Variants in PTPRM observed in about 807,000 individuals in gnomAD.
PTPRM encodes the protein receptor-type tyrosine-protein phosphatase mu.
In PTPRM, 47 loss-of-function variants were observed where a neutral mutation model predicts 186.7. That is an observed-to-expected ratio of 0.25 (90% CI 0.20 to 0.32). PTPRM has a LOEUF of 0.32. Among genes scored for constraint, PTPRM ranks in the 10% least tolerant of loss-of-function variants. PTPRM has a pLI of 1.00. For synonymous variants in PTPRM, 668 were observed against 674.9 expected (o/e 0.99, Z 0.16); for missense variants, 1,494 against 1,865.0 (o/e 0.80, Z 3.66).
chr18:8,345,242 A>AG (rs201084806), intron 23 of PTPRM, among the ~76,000 whole-genome samples: 191 of 126,878 alleles, frequency 1.5e-3, no homozygotes, highest in African/African-American at 4.9e-3. Flanking sequence ...CAAAGAAAAA[A>AG]AAAAGGAAAT....
At chr18:8,199,769 G>T (rs1047082870) in intron 14 of PTPRM, among the ~76,000 whole-genome samples, 1 of 152,066 alleles carries the variant, frequency 6.6e-6, no homozygotes, top group African/African-American at 2.4e-5. Flanking sequence ...ATTCATTTTT[G>T]CATCTGTCAA....
chr18:7,807,219 G>A (rs139470539), intron 2 of PTPRM, among the ~76,000 whole-genome samples: 2 of 152,334 alleles, frequency 1.3e-5, no homozygotes, highest in East Asian at 3.9e-4. Flanking sequence ...TGCTGATATA[G>A]AGTAGATTTG....
intron 2 of PTPRM, among the ~76,000 whole-genome samples, chr18:7,864,661 G>C (rs187367644): frequency 6.6e-6 from 1 of 152,144 alleles, no homozygotes; most frequent in East Asian, 1.9e-4. Flanking sequence ...TTTTGCTTAG[G>C]ATTGGCTTGG....
At chr18:7,993,557 A>G (rs1372962095) in intron 7 of PTPRM, among the ~76,000 whole-genome samples, 1 of 152,260 alleles carries the variant, frequency 6.6e-6, no homozygotes, top group South Asian at 2.1e-4. Flanking sequence ...GTCAGGAGAA[A>G]ATCGAGTGAT....
intron 7 of PTPRM, among the ~76,000 whole-genome samples, chr18:7,977,247 G>A (rs1475179363): frequency 1.3e-5 from 2 of 151,902 alleles, no homozygotes; most frequent in African/African-American, 4.8e-5. Context: ...CTGCCACCAC[G>A]CCCAGCTAAT....
chr18:7,922,395 C>T (rs977251715), intron 4 of PTPRM, among the ~76,000 whole-genome samples: 2 of 152,172 alleles, frequency 1.3e-5, no homozygotes, highest in Non-Finnish European at 2.9e-5. Flanking sequence ...CAGGCACTTT[C>T]GATGTTTCCA....
chr18:7,590,185 T>G (rs567703263), intron 1 of PTPRM, among the ~76,000 whole-genome samples: 3 of 152,372 alleles, frequency 2.0e-5, no homozygotes, highest in African/African-American at 7.2e-5. Flanking sequence ...AGGGAATGGA[T>G]GCTTATCCCT....
intron 2 of PTPRM, among the ~76,000 whole-genome samples, chr18:7,848,681 T>A (rs2145912835): frequency 6.6e-6 from 1 of 152,202 alleles, no homozygotes; most frequent in South Asian, 2.1e-4. Context: ...GAGGATTGCT[T>A]GAGTCCGAGA....
chr18:7,845,722 ACTTC>A (rs1348663585), intron 2 of PTPRM, among the ~76,000 whole-genome samples: 1 of 151,688 alleles, frequency 6.6e-6, no homozygotes, highest in Admixed American at 6.6e-5. Flanking sequence ...TAGAAATAAG[ACTTC>A]CTTATCTTTC....
At chr18:7,941,247 T>C (rs2052153616) in intron 5 of PTPRM, among the ~76,000 whole-genome samples, 1 of 152,188 alleles carries the variant, frequency 6.6e-6, no homozygotes, top group Non-Finnish European at 1.5e-5. Context: ...TCTGAACAAG[T>C]CTGCTTCTCT....
At chr18:8,282,202 G>T (rs1488574354) in intron 19 of PTPRM, among the ~76,000 whole-genome samples, 2 of 152,154 alleles carry the variant, frequency 1.3e-5, no homozygotes, top group Admixed American at 1.3e-4. Flanking sequence ...ATAGGAACAT[G>T]AAAATTATGA....
chr18:7,703,018 TTCTGTTCCATTGG>T (rs2039999421), intron 1 of PTPRM, among the ~76,000 whole-genome samples: 2 of 152,232 alleles, frequency 1.3e-5, no homozygotes, highest in South Asian at 4.1e-4. Flanking sequence ...GAGGCCTCTG[TTCTGTTCCATTGG>T]TCTATATATC....
At chr18:7,569,062 G>GT (rs1179615133) in intron 1 of PTPRM, among the ~76,000 whole-genome samples, 1 of 152,226 alleles carries the variant, frequency 6.6e-6, no homozygotes. Flanking sequence ...TTGGGAACAA[G>GT]TGAGTTGAAT....
intron 3 of PTPRM, among the ~76,000 whole-genome samples, chr18:7,895,976 C>T (rs1241526933): frequency 6.6e-6 from 1 of 152,238 alleles, no homozygotes; most frequent in Non-Finnish European, 1.5e-5. Context: ...TAGTATGCTA[C>T]AGGTACACAT....
At chr18:8,393,875 A>AC (rs2095831393) in intron 31 of PTPRM, among the ~76,000 whole-genome samples, 1 of 151,138 alleles carries the variant, frequency 6.6e-6, no homozygotes, top group Admixed American at 6.6e-5. Flanking sequence ...TGCAAGCTCC[A>AC]CCTCCCGGGT....
At chr18:7,944,030 A>G (rs2146986742) in intron 5 of PTPRM, among the ~76,000 whole-genome samples, 1 of 152,256 alleles carries the variant, frequency 6.6e-6, no homozygotes, top group East Asian at 1.9e-4. Context: ...ACATTCTTTT[A>G]CTTTCCCTGT....
chr18:8,258,415 C>G (rs1038919143), intron 19 of PTPRM, among the ~76,000 whole-genome samples: 1 of 152,116 alleles, frequency 6.6e-6, no homozygotes, highest in African/African-American at 2.4e-5. Context: ...TGCCCTGAAC[C>G]CTCACACCCA....
intron 9 of PTPRM, among the ~76,000 whole-genome samples, chr18:8,081,846 G>A (rs1038415155): frequency 6.6e-6 from 1 of 152,166 alleles, no homozygotes; most frequent in Non-Finnish European, 1.5e-5. Flanking sequence ...ATTTTTAGGA[G>A]TGCATGAATT....
intron 14 of PTPRM, among the ~76,000 whole-genome samples, chr18:8,220,568 A>G (rs1219008348): frequency 6.6e-6 from 1 of 152,230 alleles, no homozygotes; most frequent in Non-Finnish European, 1.5e-5. Flanking sequence ...AAGATAAAAC[A>G]CAGTGTGTGG....
Sources: allele counts gnomAD v4.1 joint callset (sites outside exome capture counted in the v4.1 genomes callset), GRCh38; gene constraint gnomAD v4.1.1; transcripts MANE v1.5; gene names NCBI Gene and HGNC (gene_info 2026-07-23, HGNC 2026-07-21).